The following SGCD variants were observed in gnomAD, a reference collection of about 807,000 sequenced individuals.
SGCD encodes the protein delta-sarcoglycan.
SGCD carries 18 observed loss-of-function variants against 36.6 expected under a neutral mutation model. The ratio of observed to expected loss-of-function variants is 0.49; its 90% CI spans 0.34 to 0.73. The LOEUF (loss-of-function observed/expected upper bound fraction) is 0.73. Among genes scored for constraint, SGCD ranks in the 30% least tolerant of loss-of-function variants. SGCD has a pLI of 0.01. For missense variants in SGCD, 387 were observed against 346.7 expected (o/e 1.12, Z -0.92); for synonymous variants, 133 against 130.6 (o/e 1.02, Z -0.12).
chr5:156,148,218 T>G (rs1218972241), intron 3 of SGCD, among the ~76,000 whole-genome samples: 1 of 152,138 alleles, frequency 6.6e-6, no homozygotes, highest in African/African-American at 2.4e-5. Context: ...ATAAAAAGTA[T>G]AACAAAATAT....
At chr5:156,045,900 C>T (rs1759753809) in intron 1 of SGCD, among the ~76,000 whole-genome samples, 1 of 152,126 alleles carries the variant, frequency 6.6e-6, no homozygotes, top group Non-Finnish European at 1.5e-5. Flanking sequence ...ATTTTGGGGG[C>T]ACACAAACAT....
At chr5:155,833,284 A>T in the SGCD span, among the ~76,000 whole-genome samples, 1 of 152,160 alleles carries the variant, frequency 6.6e-6, no homozygotes, top group African/African-American at 2.4e-5. Context: ...AGAAGTAATC[A>T]CTGTGCAGTG....
chr5:156,674,589 T>C (rs1389027614), intron 7 of SGCD, among the ~76,000 whole-genome samples: 2 of 152,092 alleles, frequency 1.3e-5, no homozygotes, highest in African/African-American at 4.8e-5. Flanking sequence ...AAGACTATCA[T>C]AGAGATGTGT....
intron 7 of SGCD, among the ~76,000 whole-genome samples, chr5:156,686,235 G>T (rs1258188052): frequency 6.6e-6 from 1 of 152,064 alleles, no homozygotes; most frequent in Non-Finnish European, 1.5e-5. Context: ...TTAATCCAAG[G>T]TCATATTGCA....
At chr5:156,280,406 G>T (rs1206321095) in intron 3 of SGCD, among the ~76,000 whole-genome samples, 1 of 152,154 alleles carries the variant, frequency 6.6e-6, no homozygotes, top group African/African-American at 2.4e-5. Context: ...ACAGGGTCAG[G>T]CTGGAAAGCA....
At chr5:156,671,116 C>CT (rs1459043059) in intron 7 of SGCD, among the ~76,000 whole-genome samples, 2 of 150,846 alleles carry the variant, frequency 1.3e-5, no homozygotes, top group East Asian at 1.9e-4. Context: ...ATACTGTCTT[C>CT]TTTTTTCTTT....
intron 3 of SGCD, among the ~76,000 whole-genome samples, chr5:156,369,651 T>G (rs1359799357): frequency 6.6e-6 from 1 of 152,200 alleles, no homozygotes; most frequent in Non-Finnish European, 1.5e-5. Flanking sequence ...TTAGAGGCAT[T>G]TGATAGTAAT....
intron 3 of SGCD, among the ~76,000 whole-genome samples, chr5:156,384,692 T>C (rs1771181723): frequency 6.6e-6 from 1 of 152,198 alleles, no homozygotes. Context: ...TCCACTATTA[T>C]TGTCAATGGT....
intron 1 of SGCD, among the ~76,000 whole-genome samples, chr5:156,003,867 C>G (rs6892854): frequency 0.025 from 3,841 of 152,158 alleles, 150 homozygotes; most frequent in African/African-American, 0.088. Flanking sequence ...CAAGCTTCTG[C>G]CTTGATTTGC....
At chr5:156,074,058 A>T (rs1194790736) in intron 1 of SGCD, among the ~76,000 whole-genome samples, 1 of 152,226 alleles carries the variant, frequency 6.6e-6, no homozygotes, top group Non-Finnish European at 1.5e-5. Flanking sequence ...AAGGAAGAGA[A>T]ATGGAGGGAT....
chr5:156,083,380 C>T lies in SGCD; in HGVS notation c.-281-34498C>T, dbSNP rs1039197824. 4.6e-5 allele frequency among the ~76,000 whole-genome samples: 7 copies of T among 151,494 alleles called. No homozygotes were observed. The East Asian group carries it at 7.8e-4, about 17-fold the overall frequency. ...CGTGATCTCGGCTCACTGCAGCCTC[C>T]GCCTCCCAGGTCCAAGTGATTCTCC... On this transcript the variant is annotated intron_variant, in intron 1 of 9. Transcript: ENST00000517913.
At chr5:156,564,454 C>A (rs1759396061) in intron 4 of SGCD, among the ~76,000 whole-genome samples, 1 of 151,864 alleles carries the variant, frequency 6.6e-6, no homozygotes, top group Admixed American at 6.6e-5. Context: ...CATCTCAAAA[C>A]AAAACAAAAC....
intron 3 of SGCD, among the ~76,000 whole-genome samples, chr5:156,404,066 C>T (rs1407601567): frequency 6.6e-6 from 1 of 152,110 alleles, no homozygotes; most frequent in African/African-American, 2.4e-5. Flanking sequence ...AACTCCTGAC[C>T]TCAAATGATC....
intron 1 of SGCD, among the ~76,000 whole-genome samples, chr5:155,974,367 T>C (rs1008555692): frequency 6.6e-6 from 1 of 152,110 alleles, no homozygotes; most frequent in Non-Finnish European, 1.5e-5. Context: ...GGTTCTGTTG[T>C]ATCCCATGTA....
At chr5:155,749,588 C>T in the SGCD span, among the ~76,000 whole-genome samples, 10 of 152,136 alleles carry the variant, frequency 6.6e-5, no homozygotes, top group African/African-American at 2.4e-4. Context: ...TGATTTCAGA[C>T]GTTTTTGTAG....
chr5:155,850,814 C>T, the SGCD span, among the ~76,000 whole-genome samples: 3 of 152,082 alleles, frequency 2.0e-5, no homozygotes, highest in Admixed American at 2.0e-4. Context: ...CTGGGAGATA[C>T]AAAGATGCAT....
intron 7 of SGCD, among the ~76,000 whole-genome samples, chr5:156,687,154 A>T (rs1421788087): frequency 6.6e-6 from 1 of 152,218 alleles, no homozygotes; most frequent in Non-Finnish European, 1.5e-5. Flanking sequence ...AGACAGATTA[A>T]GCAGAAAAGG....
Position 156,570,805 on chromosome 5 carries a change from C to T in SGCD, c.295-18426C>T, listed in dbSNP as rs192945465. On this transcript the variant is annotated intron_variant, in intron 4 of 8. Transcript: ENST00000337851. ...CTGATCCTTTCCTTCCTCCCACCCT[C>T]CACCCTCTGATAGGCCCCAGTGGGT... Among the ~76,000 whole-genome samples the T allele has an allele frequency of 4.4e-3, 670 of 152,270 alleles. 4 individuals are homozygous for T. The highest frequency in any genetic ancestry group is 3.2e-3 in the Non-Finnish European group (220 of 68,006).
At chr5:155,778,926 T>C in the SGCD span, among the ~76,000 whole-genome samples, 1 of 152,186 alleles carries the variant, frequency 6.6e-6, no homozygotes, top group Non-Finnish European at 1.5e-5. Context: ...TTTTCCACCA[T>C]TAAGAATTTC....
Sources: gnomAD v4.1 joint callset for allele counts (sites outside exome capture counted in the v4.1 genomes callset) on GRCh38, gnomAD v4.1.1 for gene constraint, MANE v1.5 for transcripts, NCBI Gene and HGNC (gene_info 2026-07-23, HGNC 2026-07-21) for gene names.